PDE1C: variants seen among roughly 807,000 people sequenced by gnomAD.
PDE1C encodes the protein dual specificity calcium/calmodulin-dependent 3',5'-cyclic nucleotide phosphodiesterase 1C.
In PDE1C, 62 loss-of-function variants were observed where a neutral mutation model predicts 93.1. The ratio of observed to expected loss-of-function variants is 0.67; its 90% CI spans 0.54 to 0.82. The LOEUF (loss-of-function observed/expected upper bound fraction) is 0.82. PDE1C is among the 40% of genes least tolerant of loss of function. The probability of loss-of-function intolerance (pLI) is 0.00; values close to 1 mark genes in which losing one functional copy is unlikely to be tolerated. For synonymous variants in PDE1C, 325 were observed against 310.1 expected (o/e 1.05, Z -0.50); for missense variants, 742 against 884.6 (o/e 0.84, Z 2.04).
intron 1 of PDE1C, among the ~76,000 whole-genome samples, chr7:32,058,835 T>C (rs80075634): frequency 0.013 from 1,955 of 152,230 alleles, 18 homozygotes; most frequent in Middle Eastern, 0.027. Flanking sequence ...TAAGAGAATC[T>C]CCTGTCTTAC....
intron 1 of PDE1C, among the ~76,000 whole-genome samples, chr7:32,414,421 G>A (rs879606989): frequency 5.9e-5 from 9 of 152,078 alleles, no homozygotes; most frequent in Admixed American, 1.3e-4. Context: ...TATACAGTAT[G>A]TGTATATGTG....
chr7:31,800,112 A>T lies in PDE1C; in HGVS notation c.1891+8919T>A, dbSNP rs111449963. On this transcript the variant is annotated intron_variant, in intron 16 of 17. Transcript: ENST00000396191. ...TTTGTTCAATTTTTTGTATGTTTTT[A>T]ATTGGGTCGTTTTCTTATTATTTAA... is the stretch of plus-strand genomic sequence containing the variant. 2.2e-3 allele frequency among the ~76,000 whole-genome samples: 341 copies of T among 151,670 alleles called. 2 individuals are homozygous for T. The highest frequency in any genetic ancestry group is 8.1e-3 in the African/African-American group (334 of 41,470).
downstream of PDE1C, among the ~76,000 whole-genome samples, chr7:31,748,754 G>A (rs775635808): frequency 6.6e-6 from 1 of 152,176 alleles, no homozygotes; most frequent in Non-Finnish European, 1.5e-5. Context: ...TCAGGGCCAC[G>A]CTTGGAGGCC....
At chr7:31,852,657 C>G (rs1004681178) in intron 7 of PDE1C, among the ~76,000 whole-genome samples, 12 of 152,054 alleles carry the variant, frequency 7.9e-5, no homozygotes, top group African/African-American at 2.7e-4. Context: ...GGGGTAGGTG[C>G]AGGACTCACT....
intron 1 of PDE1C, among the ~76,000 whole-genome samples, chr7:32,388,677 C>G (rs2116668): frequency 2.9e-4 from 3 of 10,406 alleles, no homozygotes; most frequent in African/African-American, 1.0e-3. Context: ...GGTCCCATTT[C>G]TAAAAAAAAA....
intron 2 of PDE1C, among the ~76,000 whole-genome samples, chr7:31,911,109 T>C (rs1167880151): frequency 4.6e-5 from 7 of 152,192 alleles, no homozygotes; most frequent in African/African-American, 1.4e-4. Flanking sequence ...ATTCCAGTGA[T>C]GGTAAAATTA....
chr7:31,969,071 G>A (rs1810496636), intron 2 of PDE1C, among the ~76,000 whole-genome samples: 1 of 152,150 alleles, frequency 6.6e-6, no homozygotes, highest in Admixed American at 6.6e-5. Flanking sequence ...ATAGGCATGG[G>A]CAAGGATTCC....
intron 12 of PDE1C, among the ~76,000 whole-genome samples, chr7:31,825,276 A>C (rs1789507153): frequency 6.6e-6 from 1 of 152,160 alleles, no homozygotes; most frequent in Non-Finnish European, 1.5e-5. Flanking sequence ...ACCAAGACTG[A>C]ATAACACAAC....
chr7:32,120,388 C>T (rs1315397584), intron 3 of PDE1C, among the ~76,000 whole-genome samples: 1 of 152,208 alleles, frequency 6.6e-6, no homozygotes, highest in African/African-American at 2.4e-5. Context: ...CACCAGGGAA[C>T]AGTCAAAGTG....
intron 3 of PDE1C, among the ~76,000 whole-genome samples, chr7:32,111,787 G>A (rs975337495): frequency 7.9e-5 from 12 of 152,180 alleles, no homozygotes; most frequent in African/African-American, 2.7e-4. Flanking sequence ...TGCCATAAGA[G>A]TGTAACTCAC....
At chr7:32,038,938 T>C (rs1476344977) in intron 2 of PDE1C, among the ~76,000 whole-genome samples, 1 of 152,152 alleles carries the variant, frequency 6.6e-6, no homozygotes, top group Non-Finnish European at 1.5e-5. Context: ...TCCCAGAACA[T>C]GTTTCTCAAT....
chr7:32,027,896 A>C (rs1487253411), intron 2 of PDE1C, among the ~76,000 whole-genome samples: 1 of 151,934 alleles, frequency 6.6e-6, no homozygotes, highest in Non-Finnish European at 1.5e-5. Context: ...ATCTTCAAAA[A>C]CCAATCAGAA....
chr7:31,758,297 TA>T (rs919638177), intron 17 of PDE1C, among the ~76,000 whole-genome samples: 21 of 136,830 alleles, frequency 1.5e-4, no homozygotes, highest in Admixed American at 9.7e-4. Context: ...AAGTATAATT[TA>T]AAAAATGGTA....
chr7:31,896,163 C>A (rs1799306731), intron 2 of PDE1C, among the ~76,000 whole-genome samples: 1 of 152,088 alleles, frequency 6.6e-6, no homozygotes, highest in Non-Finnish European at 1.5e-5. Flanking sequence ...CAGCACTCAG[C>A]AACTCCTTAG....
Position 31,837,230 on chromosome 7 carries a change from C to T in PDE1C, c.1153G>A (p.Asp385Asn), listed in dbSNP as rs947518022. 1 of 1,613,798 alleles carries T rather than the reference C, an allele frequency of 6.2e-7. No homozygotes were observed. The highest frequency in any genetic ancestry group is 2.2e-5 in the East Asian group (1 of 44,818). The change falls in exon 11 of 18, where the codon GAC becomes AAC. Residue 385 changes from aspartate to asparagine, a missense_variant. By Grantham distance (23) the Asp-to-Asn change is conservative. This residue lies in a region of PDE1C where 454 missense variants were observed against 459.4 expected (regional missense o/e 0.99). Transcript: ENST00000396191. ...ADISHPAKAW[D>N]LHHRWTMSLL... ...GACATTGTCCAGCGATGATGGAGGT[C>T]CCATGCTTTTGCTGGATGGCTAATA... is the stretch of plus-strand genomic sequence containing the variant.
chr7:32,253,017 T>A (rs1809504446), intron 1 of PDE1C, among the ~76,000 whole-genome samples: 1 of 152,072 alleles, frequency 6.6e-6, no homozygotes, highest in African/African-American at 2.4e-5. Context: ...TAAGCATAGG[T>A]GTAGCAAATT....
intron 2 of PDE1C, among the ~76,000 whole-genome samples, chr7:32,013,654 C>T (rs557284361): frequency 6.6e-6 from 1 of 152,306 alleles, no homozygotes; most frequent in African/African-American, 2.4e-5. Flanking sequence ...AAGGAACAGG[C>T]TATGACCTAA....
intron 17 of PDE1C, among the ~76,000 whole-genome samples, chr7:31,767,885 T>C (rs546740537): frequency 1.3e-5 from 2 of 152,290 alleles, no homozygotes; most frequent in African/African-American, 4.8e-5. Context: ...GTTAATCCCA[T>C]TTGTGAGGGC....
At chr7:32,368,932 G>A (rs777237709) in intron 1 of PDE1C, among the ~76,000 whole-genome samples, 1 of 152,112 alleles carries the variant, frequency 6.6e-6, no homozygotes, top group Non-Finnish European at 1.5e-5. Flanking sequence ...TGGGGAAACT[G>A]GCTATCTATA....
Sources: gnomAD v4.1 joint callset for allele counts (sites outside exome capture counted in the v4.1 genomes callset) on GRCh38, gnomAD v4.1.1 for gene constraint, gnomAD v4.1.1 regional missense constraint, MANE v1.5 for transcripts, NCBI Gene and HGNC (gene_info 2026-07-23, HGNC 2026-07-21) for gene names.